PHACTR3: variants seen among roughly 807,000 people sequenced by gnomAD.
The protein encoded by PHACTR3 is phosphatase and actin regulator 3, also known as protein phosphatase 1, regulatory subunit 123.
Under a neutral mutation model 66.8 loss-of-function variants are expected in PHACTR3, and 16 were observed. That is an observed-to-expected ratio of 0.24 (90% CI 0.16 to 0.36). The LOEUF (loss-of-function observed/expected upper bound fraction) is 0.36. PHACTR3 is among the 10% of genes least tolerant of loss of function. The pLI is 1.00. For missense variants in PHACTR3, 647 were observed against 719.9 expected (o/e 0.90, Z 1.16); for synonymous variants, 323 against 292.1 (o/e 1.11, Z -1.08).
intron 3 of PHACTR3, among the ~76,000 whole-genome samples, chr20:59,754,343 G>A (rs1449805289): frequency 6.6e-6 from 1 of 152,344 alleles, no homozygotes; most frequent in East Asian, 1.9e-4. Flanking sequence ...CCTCTTCTGG[G>A]AAGGCTGCCT....
At chr20:59,750,652 G>A (rs565214878) in intron 3 of PHACTR3, among the ~76,000 whole-genome samples, 1 of 151,770 alleles carries the variant, frequency 6.6e-6, no homozygotes, top group Non-Finnish European at 1.5e-5. Flanking sequence ...ACGCTGCTGC[G>A]GGAGCCTGGG....
intron 1 of PHACTR3, among the ~76,000 whole-genome samples, chr20:59,611,815 T>C (rs1407440461): frequency 6.6e-6 from 1 of 152,264 alleles, no homozygotes; most frequent in African/African-American, 2.4e-5. Flanking sequence ...TCACAAGTTA[T>C]TCCCTCTGGT....
intron 7 of PHACTR3, among the ~76,000 whole-genome samples, chr20:59,791,265 A>C (rs560972594): frequency 1.3e-5 from 2 of 152,184 alleles, no homozygotes; most frequent in South Asian, 4.1e-4. Flanking sequence ...ATGTTATGAC[A>C]TAACAAGAAG....
intron 5 of PHACTR3, among the ~76,000 whole-genome samples, chr20:59,770,802 G>A (rs2040332930): frequency 6.6e-6 from 1 of 152,186 alleles, no homozygotes; most frequent in Admixed American, 6.5e-5. Context: ...CTGGTCCCTG[G>A]AGATGCGTTT....
At chr20:59,674,742 C>A (rs1330451740) in intron 1 of PHACTR3, among the ~76,000 whole-genome samples, 3 of 86,744 alleles carry the variant, frequency 3.5e-5, no homozygotes, top group African/African-American at 1.4e-4. Context: ...CCTGTTCCCC[C>A]CTTCTCTGGT....
chr20:59,581,171 G>GCAC (rs2032844957), intron 1 of PHACTR3, among the ~76,000 whole-genome samples: 1 of 152,242 alleles, frequency 6.6e-6, no homozygotes, highest in Non-Finnish European at 1.5e-5. Flanking sequence ...CCCCACAGCT[G>GCAC]TGCCCACCTG....
chr20:59,688,364 T>TC lies in PHACTR3; in HGVS notation c.119-54738dup, dbSNP rs1304701830. On this transcript the variant is annotated intron_variant, in intron 1 of 12. Transcript: ENST00000371015. ...GTCATTTGGGGGCCATGTAAGCCTC[T>TC]CCCCCTTATCCCTGGTGGAACAGCA... Among the ~76,000 whole-genome samples, 5 of 152,132 alleles carry TC rather than the reference T, an allele frequency of 3.3e-5. 1 individual carries two copies. The highest frequency in any genetic ancestry group is 7.3e-5 in the Non-Finnish European group (5 of 68,034).
Position 59,658,969 on chromosome 20 carries a change from T to TC in PHACTR3, c.118+53838dup, listed in dbSNP as rs11481623. Among the ~76,000 whole-genome samples the TC allele has an allele frequency of 3.6e-3, 545 of 150,796 alleles. 2 individuals carry two copies. Among genetic ancestry groups the TC allele is most frequent in the African/African-American group, 0.012 (510 of 40,818 alleles). Reference sequence around the variant, plus strand: ...CTTACTTGTCTTTTTTTTTTTTTTTTCTCTGCCTATTCTGTCATTAAGACC... The same window carrying TC: ...CTTACTTGTCTTTTTTTTTTTTTTTTCCTCTGCCTATTCTGTCATTAAGACC... On this transcript the variant is annotated intron_variant, in intron 1 of 12. Transcript: ENST00000371015.
intron 4 of PHACTR3, among the ~76,000 whole-genome samples, chr20:59,755,719 T>G (rs1180131103): frequency 6.6e-6 from 1 of 152,168 alleles, no homozygotes; most frequent in Non-Finnish European, 1.5e-5. Context: ...GGGGGGATTT[T>G]AGTGACCCTA....
rs138039502 is a variant in PHACTR3, at chr20:59,819,170, C to T, written c.1328+12976C>T. 3.5e-3 allele frequency among the ~76,000 whole-genome samples: 530 copies of T among 152,216 alleles called. 5 individuals carry two copies. The highest frequency in any genetic ancestry group is 0.012 in the African/African-American group (488 of 41,534). On this transcript the variant is annotated intron_variant, in intron 8 of 12. Transcript: ENST00000371015. The stretch of plus-strand genomic sequence containing the variant: ...CCGCAATCCCAGAACTTTGGGAAGC[C>T]GAGGCAGGAGAATCGCTTGAGTCCA...
At chr20:59,643,345 C>T (rs1472584125) in intron 1 of PHACTR3, among the ~76,000 whole-genome samples, 1 of 152,162 alleles carries the variant, frequency 6.6e-6, no homozygotes, top group Admixed American at 6.5e-5. Flanking sequence ...GTAGGAACTA[C>T]TTTTGTGCCT....
chr20:59,723,201 C>T (rs549234947), intron 1 of PHACTR3, among the ~76,000 whole-genome samples: 20 of 151,780 alleles, frequency 1.3e-4, no homozygotes, highest in African/African-American at 4.4e-4. Flanking sequence ...GCTACACTCA[C>T]GGGTTTGTGC....
chr20:59,693,129 G>A (rs531299683), intron 1 of PHACTR3, among the ~76,000 whole-genome samples: 187 of 152,272 alleles, frequency 1.2e-3, no homozygotes, highest in African/African-American at 4.0e-3. Context: ...CCTCCACTCT[G>A]AAGTGGGGGT....
intron 3 of PHACTR3, among the ~76,000 whole-genome samples, chr20:59,752,180 A>G (rs1181363241): frequency 6.6e-6 from 1 of 152,162 alleles, no homozygotes; most frequent in Middle Eastern, 3.2e-3. Flanking sequence ...CGGGGGACAC[A>G]TGTCTGCACG....
chr20:59,605,692 G>A (rs1364370688), intron 1 of PHACTR3, among the ~76,000 whole-genome samples: 1 of 152,240 alleles, frequency 6.6e-6, no homozygotes, highest in African/African-American at 2.4e-5. Context: ...AAGGGCGTGC[G>A]CCAGGACAGA....
At chr20:59,649,747 C>T (rs6064824) in intron 1 of PHACTR3, among the ~76,000 whole-genome samples, 1 of 152,200 alleles carries the variant, frequency 6.6e-6, no homozygotes, top group Admixed American at 6.5e-5. Flanking sequence ...GGGAGTATGC[C>T]TTCCATATGA....
chr20:59,823,025 C>A (rs2042094206), intron 8 of PHACTR3, among the ~76,000 whole-genome samples: 1 of 152,196 alleles, frequency 6.6e-6, no homozygotes, highest in Non-Finnish European at 1.5e-5. Flanking sequence ...GCGGAAGGAG[C>A]TGGAGGGCAA....
chr20:59,617,955 T>C (rs920977698), intron 1 of PHACTR3, among the ~76,000 whole-genome samples: 1 of 152,152 alleles, frequency 6.6e-6, no homozygotes, highest in Non-Finnish European at 1.5e-5. Context: ...TTGGATCACA[T>C]CAGCTCATAG....
chr20:59,806,988 A>G (rs2041591221), intron 8 of PHACTR3, among the ~76,000 whole-genome samples: 2 of 152,248 alleles, frequency 1.3e-5, no homozygotes, highest in Non-Finnish European at 2.9e-5. Flanking sequence ...CTTACCATGA[A>G]TGGAGCTTGC....
Sources: gnomAD v4.1 joint callset for allele counts (sites outside exome capture counted in the v4.1 genomes callset) on GRCh38, gnomAD v4.1.1 for gene constraint, MANE v1.5 for transcripts, NCBI Gene and HGNC (gene_info 2026-07-23, HGNC 2026-07-21) for gene names.